MTARC1: variants seen among roughly 807,000 people sequenced by gnomAD.
MTARC1 encodes mitochondrial amidoxime-reducing component 1.
In MTARC1, 24 loss-of-function variants were observed where a neutral mutation model predicts 33.6. That is an observed-to-expected ratio of 0.72 (90% CI 0.52 to 1.01). The LOEUF (loss-of-function observed/expected upper bound fraction) is 1.01. Among genes scored for constraint, MTARC1 ranks in the 50% least tolerant of loss-of-function variants. The pLI is 0.00. For synonymous variants in MTARC1, 187 were observed against 189.5 expected (o/e 0.99, Z 0.11); for missense variants, 417 against 445.7 (o/e 0.94, Z 0.58).
Position 220,787,137 on chromosome 1 carries a change from C to T in MTARC1, c.193C>T (p.Pro65Ser), listed in dbSNP as rs1430951773. The T allele has an allele frequency of 2.6e-6, 4 of 1,567,632 alleles. No homozygotes were observed. The highest frequency in any genetic ancestry group is 3.5e-6 in the Non-Finnish European group (4 of 1,157,502). Residue 65 changes from proline (P) to serine (S), a missense_variant, in exon 1 of 7, where the codon CCT (proline) becomes TCT (serine). Transcript: ENST00000366910. The stretch of plus-strand genomic sequence containing the variant: ...CACAGTGGCGCAGCTCTGGATCTAC[C>T]CTGTGAAATCCTGCAAGGGGGTGCC... ...VGTVAQLWIY[P>S]VKSCKGVPVS...
In MTARC1 at chr1:220,786,939, C is replaced by T; in HGVS notation, c.-6C>T. ...TTGCCGCCGCCACCTCGCGGAGAAG[C>T]CAGCCATGGGCGCCGCCGGCTCCTC... On this transcript the variant is annotated 5_prime_UTR_variant, in exon 1 of 7. Coordinates refer to ENST00000366910, the MANE Select transcript of MTARC1 (RefSeq NM_022746.4). The T allele has an allele frequency of 8.1e-7, 1 of 1,236,150 alleles. No homozygotes were observed. The highest frequency in any genetic ancestry group is 1.0e-6 in the Non-Finnish European group (1 of 991,636). The allele number at this position is 1,236,150 out of a possible 1,614,324, so 76.6% of individuals were successfully genotyped here.
intron 2 of MTARC1, among the ~76,000 whole-genome samples, chr1:220,795,444 AC>A (rs1672579690): frequency 6.6e-6 from 1 of 152,226 alleles, no homozygotes; most frequent in Non-Finnish European, 1.5e-5. Context: ...AGTAGGCCAA[AC>A]CATAAACCAC....
Position 220,813,774 on chromosome 1 carries a change from G to A in MTARC1, c.*356G>A, listed in dbSNP as rs1213167709. ...GTCACTACCACTCGTTAGAGAAAGA[G>A]AAGAAGAGAAAGAGGAAGAGTGGGT... On this transcript the variant is annotated 3_prime_UTR_variant, in exon 7 of 7. Coordinates refer to ENST00000366910, the MANE Select transcript of MTARC1 (RefSeq NM_022746.4). The A allele has an allele frequency of 4.9e-6, 1 of 204,172 alleles. No individual in the cohort carries two copies. Among genetic ancestry groups the A allele is most frequent in the African/African-American group, 2.3e-5 (1 of 43,688 alleles). 12.6% of individuals were successfully genotyped at this position (204,172 alleles called of 1,614,324 possible).
chr1:220,813,286 T>C lies in MTARC1; in HGVS notation c.888-6T>C, dbSNP rs773722496. On this transcript the variant is annotated splice_polypyrimidine_tract_variant and splice_region_variant and intron_variant, in intron 6 of 6. Transcript: ENST00000366910. The stretch of plus-strand genomic sequence containing the variant: ...TGTGACTCATCATGATCTTTTCCTA[T>C]TGCAGTTATCGCCAGTGTGACCCTT... 2 of 1,614,040 alleles carry C rather than the reference T, an allele frequency of 1.2e-6. No homozygotes were observed. The highest frequency in any genetic ancestry group is 2.2e-5 in the East Asian group (1 of 44,854).
chr1:220,787,391 C>A (rs552541524), intron 1 of MTARC1, among the ~76,000 whole-genome samples, 172 bp downstream of exon 1: 2 of 152,162 alleles, frequency 1.3e-5, no homozygotes, highest in African/African-American at 4.8e-5. Flanking sequence ...CCCTCACCCC[C>A]CAGCATCAGA....
chr1:220,805,138 G>A (rs1381223226), intron 5 of MTARC1, 25 bp downstream of exon 5: 10 of 1,614,090 alleles, frequency 6.2e-6, no homozygotes, highest in Non-Finnish European at 8.5e-6. Flanking sequence ...TGTCCCTGTG[G>A]GGTGGAGGTG....
intron 6 of MTARC1, among the ~76,000 whole-genome samples, chr1:220,811,617 G>C (rs1227803351): frequency 7.0e-6 from 1 of 142,432 alleles, no homozygotes; most frequent in Non-Finnish European, 1.6e-5. Flanking sequence ...TAAAATGAAT[G>C]ATTTATCTAA....
intron 6 of MTARC1, among the ~76,000 whole-genome samples, chr1:220,810,276 CGAATTCA>C (rs1673088769): frequency 2.0e-5 from 3 of 152,266 alleles, no homozygotes; most frequent in Admixed American, 2.0e-4. Context: ...AGTGTGCGCA[CGAATTCA>C]TAGACTGCTT....
intron 5 of MTARC1, 37 bp downstream of exon 5, chr1:220,805,150 G>C: frequency 6.2e-7 from 1 of 1,614,004 alleles, no homozygotes. Flanking sequence ...GTGGAGGTGG[G>C]GATAAGTTCG....
At chr1:220,798,637 C>T in intron 4 of MTARC1, 3 of 947,222 alleles carry the variant, frequency 3.2e-6, no homozygotes, top group Non-Finnish European at 3.8e-6. Flanking sequence ...GATTCTCTCC[C>T]TGGGCTTCCA....
At chr1:220,807,351 G>C (rs1461924283) in intron 6 of MTARC1, among the ~76,000 whole-genome samples, 3 of 152,218 alleles carry the variant, frequency 2.0e-5, no homozygotes, top group African/African-American at 7.2e-5. Flanking sequence ...GGGAGGCTGA[G>C]GCTGGTGGAT....
intron 1 of MTARC1, among the ~76,000 whole-genome samples, 153 bp downstream of exon 1, chr1:220,787,372 A>C (rs894898348): frequency 1.3e-5 from 2 of 152,094 alleles, no homozygotes; most frequent in Non-Finnish European, 2.9e-5. Flanking sequence ...GGCCAAAGAG[A>C]AAAAGGAACC....
intron 6 of MTARC1, among the ~76,000 whole-genome samples, chr1:220,808,240 T>C (rs1375995475): frequency 6.6e-6 from 1 of 152,166 alleles, no homozygotes; most frequent in Non-Finnish European, 1.5e-5. Flanking sequence ...GGAGCCTGTG[T>C]TTATAGAAGG....
Position 220,796,407 on chromosome 1 carries a change from G to A in MTARC1, c.450-236G>A, listed in dbSNP as rs566804754. On this transcript the variant is annotated intron_variant, in intron 2 of 6. Coordinates refer to ENST00000366910, the MANE Select transcript of MTARC1 (RefSeq NM_022746.4). Reference sequence around the variant, plus strand: ...CATTCCTTCCAGGTAGGGAGACACAGTTGTACAAAACTTGATTTTTAAAAT... The same window carrying A: ...CATTCCTTCCAGGTAGGGAGACACAATTGTACAAAACTTGATTTTTAAAAT... Among the ~76,000 whole-genome samples the A allele has an allele frequency of 4.6e-5, 7 of 152,258 alleles. No individual in the cohort carries two copies. The South Asian group carries it at 1.0e-3, about 23-fold the overall frequency.
chr1:220,791,350 C>G, intron 1 of MTARC1, 141 bp from the exon 2 acceptor site: 1 of 848,212 alleles, frequency 1.2e-6, no homozygotes, highest in Non-Finnish European at 1.8e-6. Flanking sequence ...TTAGGACAGA[C>G]AGACACACAC....
At chr1:220,805,425 A>G (rs1672942509) in intron 6 of MTARC1, 151 bp downstream of exon 6, 1 of 795,074 alleles carries the variant, frequency 1.3e-6, no homozygotes, top group African/African-American at 1.7e-5. Flanking sequence ...ATAATTTGGG[A>G]AACATTCCCT....
chr1:220,801,864 C>T (rs1672816914), intron 4 of MTARC1, among the ~76,000 whole-genome samples: 2 of 152,088 alleles, frequency 1.3e-5, no homozygotes, highest in South Asian at 4.2e-4. Flanking sequence ...ATCTCGGAAG[C>T]TACCTTCTCA....
intron 6 of MTARC1, among the ~76,000 whole-genome samples, chr1:220,806,845 C>G (rs891810645): frequency 2.0e-5 from 3 of 152,174 alleles, no homozygotes; most frequent in African/African-American, 7.2e-5. Context: ...GGCAGAGAGA[C>G]AGTGGTCAGC....
At chr1:220,789,345 G>T (rs1672350850) in intron 1 of MTARC1, among the ~76,000 whole-genome samples, 1 of 152,152 alleles carries the variant, frequency 6.6e-6, no homozygotes, top group Non-Finnish European at 1.5e-5. Context: ...TGCCAGAGGG[G>T]TCCAATCTTT....
Sources: gnomAD v4.1 joint callset for allele counts (sites outside exome capture counted in the v4.1 genomes callset) on GRCh38, gnomAD v4.1.1 for gene constraint, MANE v1.5 for transcripts, NCBI Gene and HGNC (gene_info 2026-07-23, HGNC 2026-07-21) for gene names.